The following RIGI variants were observed in gnomAD, a reference collection of about 807,000 sequenced individuals.
The protein encoded by RIGI is antiviral innate immune response receptor RIG-I.
At chr9:32,494,093 G>A in the RIGI span, 9 of 642,390 alleles carry the variant, frequency 1.4e-5, no homozygotes, top group Admixed American at 2.5e-4. Flanking sequence ...TTTTCAAAAA[G>A]AAAACAGTAT....
the RIGI span, among the ~76,000 whole-genome samples, chr9:32,523,714 C>T: frequency 6.6e-6 from 1 of 150,860 alleles, no homozygotes; most frequent in Non-Finnish European, 1.5e-5. Flanking sequence ...ATCTGCCATT[C>T]TCTCTCTCCC....
chr9:32,467,772 G>T, the RIGI span: 3 of 1,580,758 alleles, frequency 1.9e-6, no homozygotes, highest in South Asian at 1.1e-5. Context: ...CTCTGGTTTG[G>T]ATCATTTTGA....
the RIGI span, among the ~76,000 whole-genome samples, chr9:32,506,215 C>CTCAA: frequency 7.0e-4 from 106 of 152,248 alleles, no homozygotes; most frequent in African/African-American, 2.3e-3. Context: ...GAGACTCTGT[C>CTCAA]TCAATCAATC....
the RIGI span, among the ~76,000 whole-genome samples, chr9:32,523,739 T>C: frequency 0.4 from 61,317 of 151,768 alleles, 12,709 homozygotes; most frequent in Middle Eastern, 0.49. Flanking sequence ...TTGTACCTAT[T>C]CAAGCCATTC....
the RIGI span, among the ~76,000 whole-genome samples, chr9:32,460,597 C>T: frequency 6.6e-6 from 1 of 151,880 alleles, no homozygotes; most frequent in Non-Finnish European, 1.5e-5. Context: ...AAAGAGAAAA[C>T]ATAAAGGCTC....
chr9:32,505,142 C>T, the RIGI span, among the ~76,000 whole-genome samples: 2 of 147,496 alleles, frequency 1.4e-5, no homozygotes, highest in South Asian at 4.2e-4. Context: ...CCAGAGCCTC[C>T]AAAGCAGCCT....
the RIGI span, chr9:32,480,395 T>C: frequency 6.5e-7 from 1 of 1,529,746 alleles, no homozygotes; most frequent in Non-Finnish European, 8.9e-7. Context: ...TTCCAATGTC[T>C]AACACATTCA....
At chr9:32,499,778 G>C in the RIGI span, among the ~76,000 whole-genome samples, 1 of 151,098 alleles carries the variant, frequency 6.6e-6, no homozygotes, top group Non-Finnish European at 1.5e-5. Flanking sequence ...TTTAAATACA[G>C]GGGTCTCCCT....
At chr9:32,518,988 G>T in the RIGI span, among the ~76,000 whole-genome samples, 15 of 152,160 alleles carry the variant, frequency 9.9e-5, no homozygotes, top group Non-Finnish European at 4.4e-5. Flanking sequence ...GAGATTACAG[G>T]CCTGAGCCAC....
the RIGI span, chr9:32,456,945 G>C: frequency 3.4e-6 from 2 of 587,732 alleles, no homozygotes; most frequent in Non-Finnish European, 6.0e-6. Flanking sequence ...AAAATACTCA[G>C]TGCTGTGATT....
chr9:32,494,207 A>G, the RIGI span, among the ~76,000 whole-genome samples: 2,185 of 152,306 alleles, frequency 0.014, 23 homozygotes, highest in Admixed American at 0.023. Flanking sequence ...ATCTTAGTAT[A>G]AAATCTTTCT....
chr9:32,459,485 G>T, the RIGI span: 2 of 1,611,948 alleles, frequency 1.2e-6, no homozygotes, highest in Non-Finnish European at 1.7e-6. Context: ...TATCTCTGAT[G>T]AATTTTTCAT....
At chr9:32,466,334 T>G in the RIGI span, 1 of 1,614,034 alleles carries the variant, frequency 6.2e-7, no homozygotes, top group Admixed American at 1.7e-5. Flanking sequence ...AGGCGTAAAA[T>G]AGAGTCATTC....
the RIGI span, among the ~76,000 whole-genome samples, chr9:32,464,297 C>T: frequency 2.6e-5 from 4 of 151,820 alleles, no homozygotes; most frequent in Non-Finnish European, 4.4e-5. Flanking sequence ...TATCAAAGCA[C>T]CCACAAAAGG....
the RIGI span, among the ~76,000 whole-genome samples, chr9:32,464,291 A>T: frequency 6.6e-6 from 1 of 151,710 alleles, no homozygotes; most frequent in African/African-American, 2.4e-5. Flanking sequence ...AACCCTTATC[A>T]AAGCACCCAC....
chr9:32,461,398 T>C, the RIGI span, among the ~76,000 whole-genome samples: 1 of 152,318 alleles, frequency 6.6e-6, no homozygotes, highest in Non-Finnish European at 1.5e-5. Flanking sequence ...CTATGGAAGA[T>C]TCTGTCCGTC....
At chr9:32,508,625 C>T in the RIGI span, among the ~76,000 whole-genome samples, 6 of 152,132 alleles carry the variant, frequency 3.9e-5, no homozygotes, top group Non-Finnish European at 5.9e-5. Context: ...AGATTCCCTC[C>T]GGTGCCTATG....
chr9:32,487,459 G>C, the RIGI span: 2 of 1,612,998 alleles, frequency 1.2e-6, no homozygotes, highest in Non-Finnish European at 1.7e-6. Flanking sequence ...CTTGTTATTG[G>C]ATCCAACTTA....
At chr9:32,473,040 T>G in the RIGI span, 1 of 1,610,464 alleles carries the variant, frequency 6.2e-7, no homozygotes, top group East Asian at 2.2e-5. Context: ...GAGTTTAGGA[T>G]TTCCTTCAAT....
Sources: allele counts gnomAD v4.1 joint callset (sites outside exome capture counted in the v4.1 genomes callset), GRCh38; gene constraint gnomAD v4.1.1; transcripts MANE v1.5; gene names NCBI Gene and HGNC (gene_info 2026-07-23, HGNC 2026-07-21).